Variants in HIPK2 observed in about 807,000 individuals in gnomAD.
HIPK2 encodes the protein homeodomain interacting protein kinase 2.
Under a neutral mutation model 113.7 loss-of-function variants are expected in HIPK2, and 27 were observed. The observed-to-expected ratio is 0.24, with a 90% CI of 0.17 to 0.33. The LOEUF (loss-of-function observed/expected upper bound fraction) is 0.33. HIPK2 is among the 10% of genes least tolerant of loss of function. The pLI, the probability that HIPK2 is intolerant of heterozygous loss-of-function variation, is 1.00. For missense variants in HIPK2, 1,257 were observed against 1,588.0 expected (o/e 0.79, Z 3.54); for synonymous variants, 631 against 642.2 (o/e 0.98, Z 0.26).
intron 1 of HIPK2, among the ~76,000 whole-genome samples, chr7:139,733,078 C>T (rs1487922969): frequency 6.6e-6 from 1 of 152,050 alleles, no homozygotes; most frequent in Non-Finnish European, 1.5e-5. Flanking sequence ...CTCTCTCTTG[C>T]TCCTGCTCTG....
In HIPK2 at chr7:139,596,727, C is replaced by T. The variant is rs753842765; in HGVS notation, c.2707G>A (p.Ala903Thr). 12 of 1,610,086 alleles carry T rather than the reference C, an allele frequency of 7.5e-6. No homozygotes were observed. Among genetic ancestry groups the T allele is most frequent in the African/African-American group, 5.3e-5 (4 of 74,862 alleles). The change falls in exon 12 of 15, where the codon GCC (alanine) becomes ACC (threonine). Residue 903 changes from alanine (A) to threonine (T), a missense_variant. Ala to Thr is a moderately conservative substitution (Grantham distance 58, BLOSUM62 0). This residue lies in a region of HIPK2 where 862 missense variants were observed against 1,004.3 expected (regional missense o/e 0.86). Coordinates refer to ENST00000406875, the MANE Select transcript of HIPK2 (RefSeq NM_022740.5). Reference sequence around the variant, plus strand: ...GTGGCACTGCCTCACCTGGTGGGGGCGTGTTTCTGTTCCTCCTCCTCGTCC... The same window carrying T: ...GTGGCACTGCCTCACCTGGTGGGGGTGTGTTTCTGTTCCTCCTCCTCGTCC... ...DTDEEEEQKH[A>T]PTSTVSKQRK...
chr7:139,673,453 C>A (rs913213705), intron 2 of HIPK2, among the ~76,000 whole-genome samples: 4 of 152,174 alleles, frequency 2.6e-5, no homozygotes, highest in African/African-American at 9.7e-5. Flanking sequence ...ATTCCCCCAA[C>A]CTCCTCTCTG....
intron 2 of HIPK2, among the ~76,000 whole-genome samples, chr7:139,671,638 G>A (rs747435520): frequency 1.1e-4 from 16 of 151,954 alleles, no homozygotes; most frequent in African/African-American, 3.6e-4. Flanking sequence ...TGCAACCTCC[G>A]TCTCCTGGTT....
At chr7:139,760,619 G>C (rs1215653520) in intron 1 of HIPK2, among the ~76,000 whole-genome samples, 1 of 151,940 alleles carries the variant, frequency 6.6e-6, no homozygotes, top group African/African-American at 2.4e-5. Context: ...TACATTTATA[G>C]GTTAAAGAAA....
chr7:139,585,638 A>G (rs1222765134), intron 12 of HIPK2, among the ~76,000 whole-genome samples: 3 of 152,220 alleles, frequency 2.0e-5, no homozygotes, highest in East Asian at 1.9e-4. Flanking sequence ...AATTGTACCT[A>G]TATCATAGGC....
intron 2 of HIPK2, among the ~76,000 whole-genome samples, chr7:139,685,684 T>G (rs1005721557): frequency 1.3e-5 from 2 of 152,202 alleles, no homozygotes; most frequent in South Asian, 4.1e-4. Flanking sequence ...TAAATCTACT[T>G]TGCCTGTGCT....
Position 139,646,773 on chromosome 7 carries a change from G to A in HIPK2, c.1104-15048C>T, listed in dbSNP as rs78458864. On this transcript the variant is annotated intron_variant, in intron 2 of 14. Coordinates refer to ENST00000406875, the MANE Select transcript of HIPK2 (RefSeq NM_022740.5). ...AGGGAGCTGTCACACATCAGCTGGG[G>A]CTTTGGGTGGAGAAGGGAAGAAAGG... Among the ~76,000 whole-genome samples the A allele has an allele frequency of 6.5e-3, 993 of 152,278 alleles. 15 individuals carry two copies. Among genetic ancestry groups the A allele is most frequent in the African/African-American group, 0.023 (954 of 41,552 alleles).
intron 2 of HIPK2, among the ~76,000 whole-genome samples, chr7:139,669,423 TGAGA>T (rs936328833): frequency 7.2e-5 from 11 of 152,206 alleles, no homozygotes; most frequent in Admixed American, 5.2e-4. Flanking sequence ...TTTTGTAGAC[TGAGA>T]GAGAAAGATC....
At chr7:139,668,613 G>T (rs933814925) in intron 2 of HIPK2, among the ~76,000 whole-genome samples, 3 of 152,020 alleles carry the variant, frequency 2.0e-5, no homozygotes, top group African/African-American at 7.2e-5. Context: ...ATTTAACTGG[G>T]TGTCTGGTGA....
intron 2 of HIPK2, among the ~76,000 whole-genome samples, chr7:139,701,288 GGGA>G (rs1794699843): frequency 6.6e-6 from 1 of 152,178 alleles, no homozygotes; most frequent in Non-Finnish European, 1.5e-5. Context: ...AACAGATAGC[GGGA>G]GGAGAAGAAC....
At chr7:139,591,039 G>T (rs1467915113) in intron 12 of HIPK2, among the ~76,000 whole-genome samples, 2 of 152,148 alleles carry the variant, frequency 1.3e-5, no homozygotes, top group East Asian at 1.9e-4. Flanking sequence ...TAGAGACAGG[G>T]TCTTGCTATA....
chr7:139,572,992 C>A lies in HIPK2; in HGVS notation c.3532G>T (p.Ala1178Ser). The change falls in exon 15 of 15, where the codon GCC becomes TCC. Residue 1178 changes from alanine to serine, a missense_variant. By Grantham distance (99) the Ala-to-Ser change is moderately conservative. Around this residue, in one of 5 missense-constraint regions of HIPK2, gnomAD observed 862 missense variants for 1,004.3 expected, o/e 0.86. Transcript: ENST00000406875. ...GGGTATCCAGTGTAGACGGTGGAGG[C>A]TGGCGAGGCGCTGATGTAGGTCTGG... ...AHQTYISASPASTVYTGYPLS... is the reference protein window; with the variant it reads ...AHQTYISASPSSTVYTGYPLS... The A allele has an allele frequency of 7.1e-7, 1 of 1,418,318 alleles. No individual in the cohort carries two copies. The highest frequency in any genetic ancestry group is 9.4e-7 in the Non-Finnish European group (1 of 1,059,156). The allele number at this position is 1,418,318 out of a possible 1,614,324, so 87.9% of individuals were successfully genotyped here.
chr7:139,721,042 T>C (rs1795392440), intron 1 of HIPK2, among the ~76,000 whole-genome samples: 1 of 152,142 alleles, frequency 6.6e-6, no homozygotes, highest in Non-Finnish European at 1.5e-5. Context: ...ACAGGAGGCC[T>C]ACATGGCTGG....
chr7:139,667,964 C>T (rs1802106136), intron 2 of HIPK2, among the ~76,000 whole-genome samples: 1 of 151,356 alleles, frequency 6.6e-6, no homozygotes, highest in African/African-American at 2.4e-5. Flanking sequence ...CCTGTCTCTA[C>T]TAAAAATACA....
chr7:139,672,586 C>T (rs551487152), intron 2 of HIPK2, among the ~76,000 whole-genome samples: 185 of 152,256 alleles, frequency 1.2e-3, no homozygotes, highest in African/African-American at 4.3e-3. Context: ...CTGCCTCAGC[C>T]TCCTGAGTAG....
intron 2 of HIPK2, among the ~76,000 whole-genome samples, chr7:139,677,935 C>T (rs1236417975): frequency 1.3e-5 from 2 of 152,208 alleles, no homozygotes; most frequent in Admixed American, 6.5e-5. Context: ...GATGGTATCT[C>T]ATTGTGGTTT....
chr7:139,713,017 C>A (rs1026503548), intron 2 of HIPK2, among the ~76,000 whole-genome samples: 1 of 152,116 alleles, frequency 6.6e-6, no homozygotes, highest in Non-Finnish European at 1.5e-5. Flanking sequence ...AAGGTGACCA[C>A]AGAAAGGAGA....
rs1585277499 is a variant in HIPK2 at position 139,613,365 on chromosome 7, G to A, written c.1991-42C>T. On this transcript the variant is annotated intron_variant, in intron 8 of 14. Transcript: ENST00000406875. The surrounding 1 kb of genome is among the most constrained non-coding windows in gnomAD (Gnocchi z 4.2). ...GAGGGAGAGAAGGGTTAGCTGAGACGCTGTGAACAGCTGGATGAAAAGAAC... is the reference window on the plus strand; with the variant it reads ...GAGGGAGAGAAGGGTTAGCTGAGACACTGTGAACAGCTGGATGAAAAGAAC... 4 of 1,603,348 alleles carry A rather than the reference G, an allele frequency of 2.5e-6. No homozygotes were observed. The highest frequency in any genetic ancestry group is 2.6e-6 in the Non-Finnish European group (3 of 1,174,602).
At chr7:139,685,420 C>T (rs1406788685) in intron 2 of HIPK2, among the ~76,000 whole-genome samples, 1 of 152,192 alleles carries the variant, frequency 6.6e-6, no homozygotes, top group Non-Finnish European at 1.5e-5. Flanking sequence ...TCCTCAGCTT[C>T]CCAAAGTGCT....
Sources: gnomAD v4.1 joint callset for allele counts (sites outside exome capture counted in the v4.1 genomes callset) on GRCh38, gnomAD v4.1.1 for gene constraint, gnomAD v4.1.1 regional missense constraint, Gnocchi (gnomAD v3.1) non-coding constraint, MANE v1.5 for transcripts, NCBI Gene and HGNC (gene_info 2026-07-23, HGNC 2026-07-21) for gene names.